RREB1: variants seen among roughly 807,000 people sequenced by gnomAD.
RREB1 encodes ras responsive element binding protein 1, also known as ras-responsive element-binding protein 1.
In RREB1, 27 loss-of-function variants were observed where a neutral mutation model predicts 117.8. The ratio of observed to expected loss-of-function variants is 0.23; its 90% confidence interval spans 0.17 to 0.32. The LOEUF is 0.32. Ranked by LOEUF, RREB1 falls within the 10% of genes least tolerant of loss-of-function variation. The pLI is 1.00. For synonymous variants in RREB1, 1,298 were observed against 1,026.7 expected, an observed-to-expected ratio of 1.26 and a Z score of -5.05; for missense variants, 2,577 against 2,378.2, an observed-to-expected ratio of 1.08 and a Z score of -1.74.
intron 1 of RREB1, among the ~76,000 whole-genome samples, chr6:7,168,309 C>T (rs563388940): frequency 6.8e-6 from 1 of 148,120 alleles, no homozygotes; most frequent in African/African-American, 2.5e-5. Context: ...TAAAGTTATG[C>T]TGTAATGGTT....
At chr6:7,145,163 G>A (rs1272419285) in intron 1 of RREB1, among the ~76,000 whole-genome samples, 2 of 152,176 alleles carry the variant, frequency 1.3e-5, no homozygotes. Flanking sequence ...GAGGGAAAAC[G>A]AGCTTGTGTG....
rs1181997243 is a variant in RREB1, at chr6:7,181,213, G to T, written c.-76G>T. The T allele has an allele frequency of 2.5e-6, 1 of 398,722 alleles. No individual in the cohort carries two copies. The highest frequency in any genetic ancestry group is 2.1e-5 in the African/African-American group (1 of 48,640). The allele number at this position is 398,722 out of a possible 1,614,324, so 24.7% of individuals were successfully genotyped here. A position where few individuals can be genotyped will look rare whatever the true frequency, so the allele number is the denominator to read the frequency against. ...TGAATGATAGCTACAGCAGGGGAAA[G>T]TTTCATAGTCTATCAGTGGGTCAGA... is the stretch of plus-strand genomic sequence containing the variant. On this transcript the variant is annotated 5_prime_UTR_variant, in exon 3 of 13. Coordinates refer to ENST00000379938, the MANE Select transcript of RREB1 (RefSeq NM_001003699.4).
chr6:7,124,943 G>C (rs554134459), intron 1 of RREB1, among the ~76,000 whole-genome samples: 6 of 152,332 alleles, frequency 3.9e-5, no homozygotes, highest in South Asian at 2.1e-4. Context: ...ATAGAGACAT[G>C]ATCCATTCAC....
intron 6 of RREB1, among the ~76,000 whole-genome samples, chr6:7,205,694 G>A (rs971084723): frequency 1.3e-5 from 2 of 152,206 alleles, no homozygotes; most frequent in Non-Finnish European, 2.9e-5. Context: ...TCAGCTTTTA[G>A]GGATTGGTCT....
chr6:7,232,403 G>A (rs1013483543), intron 10 of RREB1, among the ~76,000 whole-genome samples: 5 of 152,202 alleles, frequency 3.3e-5, no homozygotes, highest in Admixed American at 3.3e-4. Context: ...TCTTCTTAAA[G>A]AGAAATATGA....
intron 1 of RREB1, among the ~76,000 whole-genome samples, chr6:7,141,942 A>AGGCTCACGCTCATG (rs1762615927): frequency 6.6e-6 from 1 of 152,218 alleles, no homozygotes; most frequent in South Asian, 2.1e-4. Flanking sequence ...CCTCGCCCAT[A>AGGCTCACGCTCATG]GGCTCACGCT....
chr6:7,199,663 TTTTG>T (rs950335520), intron 6 of RREB1, among the ~76,000 whole-genome samples: 6 of 151,822 alleles, frequency 4.0e-5, no homozygotes, highest in Non-Finnish European at 7.4e-5. Context: ...GATTTTTTTG[TTTTG>T]TTTTGTTTTG....
rs532697396 is a variant in RREB1, at chr6:7,230,967, C to T, written c.2868C>T (p.Ala956=). The part of the protein sequence containing the change: ...GDKDLATPSE[A]KKPEEEAGSS... ...AGGATTTGGCCACTCCCAGCGAAGC[C>T]AAGAAGCCTGAGGAGGAGGCGGGGA... is the stretch of plus-strand genomic sequence containing the variant. Residue 956 remains alanine, a synonymous_variant, in exon 10 of 13, where the codon GCC becomes GCT. Coordinates refer to ENST00000379938, the MANE Select transcript of RREB1 (RefSeq NM_001003699.4). 2 of 1,614,118 alleles carry T rather than the reference C, an allele frequency of 1.2e-6. No individual in the cohort carries two copies. The highest frequency in any genetic ancestry group is 1.3e-5 in the African/African-American group (1 of 75,072).
At chr6:7,199,364 C>T (rs1216175988) in intron 6 of RREB1, among the ~76,000 whole-genome samples, 7 of 152,182 alleles carry the variant, frequency 4.6e-5, no homozygotes, top group Non-Finnish European at 8.8e-5. Context: ...TTTCTCCTCT[C>T]CCTTAAGATA....
chr6:7,191,312 A>G (rs954113997), intron 6 of RREB1, among the ~76,000 whole-genome samples: 3 of 151,426 alleles, frequency 2.0e-5, no homozygotes, highest in African/African-American at 7.3e-5. Flanking sequence ...GTTCTTTTTT[A>G]TTGTTAAATA....
intron 8 of RREB1, chr6:7,212,953 A>C (rs1322782663): frequency 6.6e-6 from 1 of 152,248 alleles, no homozygotes; most frequent in African/African-American, 2.4e-5. Flanking sequence ...TTGAAGTGCT[A>C]TAAAATGTCT....
intron 1 of RREB1, among the ~76,000 whole-genome samples, chr6:7,159,982 G>C (rs960954104): frequency 5.9e-5 from 9 of 152,100 alleles, no homozygotes; most frequent in African/African-American, 2.2e-4. Context: ...CCCATAGTTG[G>C]CTTGCAGTAC....
chr6:7,127,996 G>C (rs1038669971), intron 1 of RREB1, among the ~76,000 whole-genome samples: 1 of 152,118 alleles, frequency 6.6e-6, no homozygotes, highest in Admixed American at 6.5e-5. Flanking sequence ...ACAATTAATG[G>C]TGTAGTAATT....
chr6:7,126,685 CT>C (rs1203907888), intron 1 of RREB1, among the ~76,000 whole-genome samples: 1 of 152,206 alleles, frequency 6.6e-6, no homozygotes, highest in Non-Finnish European at 1.5e-5. Context: ...CTCACAGCAG[CT>C]GGGTAGTTTC....
intron 1 of RREB1, among the ~76,000 whole-genome samples, chr6:7,168,147 C>T (rs927825775): frequency 8.1e-5 from 12 of 148,156 alleles, no homozygotes; most frequent in African/African-American, 2.2e-4. Flanking sequence ...CCCAGCTACT[C>T]GGGAGGCTGA....
rs780237679 is a variant in RREB1, at chr6:7,226,620, G to C, written c.861G>C (p.Thr287=). The C allele has an allele frequency of 6.2e-7, 1 of 1,614,088 alleles. No individual in the cohort carries two copies. Residue 287 remains threonine, a synonymous_variant, in exon 9 of 13, where the codon ACG becomes ACC. Coordinates refer to ENST00000379938, the MANE Select transcript of RREB1 (RefSeq NM_001003699.4). The part of the protein sequence containing the change: ...IPAGFHDLGF[T]DFSCRKFPRI... ...CTGGCTTCCACGACTTAGGATTCAC[G>C]GACTTCTCCTGTAGGAAGTTTCCTC...
chr6:7,231,626 G>A lies in RREB1; in HGVS notation c.3527G>A (p.Gly1176Glu), dbSNP rs776395768. The change falls in exon 10 of 13, where the codon GGG becomes GAG. Residue 1176 changes from glycine to glutamate, a missense_variant. By Grantham distance (98) the Gly-to-Glu change is moderately conservative. Transcript: ENST00000379938. ...NSGGVDLDSS[G>E]EFASIEKMLA... is the part of the protein sequence containing the mutation. ...GGCGGGGTGGACCTGGACTCCAGCG[G>A]GGAGTTTGCCAGCATCGAGAAGATG... 8 of 1,611,874 alleles carry A rather than the reference G, an allele frequency of 5.0e-6. No individual in the cohort carries two copies. The Admixed American group carries it at 5.0e-5, about 10-fold the overall frequency.
At chr6:7,209,217 T>G (rs1418622494) in intron 6 of RREB1, among the ~76,000 whole-genome samples, 1 of 152,244 alleles carries the variant, frequency 6.6e-6, no homozygotes, top group Non-Finnish European at 1.5e-5. Context: ...CTCTAATTTT[T>G]AATATTCTCA....
At chr6:7,239,718 T>C (rs1387325763) in intron 10 of RREB1, among the ~76,000 whole-genome samples, 1 of 152,206 alleles carries the variant, frequency 6.6e-6, no homozygotes, top group Non-Finnish European at 1.5e-5. Context: ...TAGTTACGTA[T>C]TGGTCACTCA....
Sources: gnomAD v4.1 joint callset for allele counts (sites outside exome capture counted in the v4.1 genomes callset) on GRCh38, gnomAD v4.1.1 for gene constraint, MANE v1.5 for transcripts, NCBI Gene and HGNC (gene_info 2026-07-23, HGNC 2026-07-21) for gene names.